Variants in KCNH8 observed in about 807,000 individuals in gnomAD.
KCNH8 encodes potassium voltage-gated channel subfamily H member 8.
KCNH8 carries 70 observed loss-of-function variants against 103.6 expected under a neutral mutation model. The ratio of observed to expected loss-of-function variants is 0.68; its 90% CI spans 0.56 to 0.82. The LOEUF (loss-of-function observed/expected upper bound fraction) is 0.82. Among genes scored for constraint, KCNH8 ranks in the 40% least tolerant of loss-of-function variants. The pLI, the probability that KCNH8 is intolerant of heterozygous loss-of-function variation, is 0.00. For synonymous variants in KCNH8, 498 were observed against 489.4 expected (o/e 1.02, Z -0.23); for missense variants, 1,217 against 1,329.9 (o/e 0.92, Z 1.32).
intron 2 of KCNH8, among the ~76,000 whole-genome samples, chr3:19,278,984 G>T (rs1409508277): frequency 6.6e-6 from 1 of 152,146 alleles, no homozygotes; most frequent in Non-Finnish European, 1.5e-5. Context: ...TACACAGATA[G>T]AAGATTTTCA....
Position 19,533,458 on chromosome 3 carries a change from C to CTCATGT in KCNH8, c.2684_2685insCATGTT (p.Leu895_Glu896insMetLeu). 6.2e-7 allele frequency: 1 copy of CTCATGT among 1,614,148 alleles called. No individual in the cohort carries two copies. Among genetic ancestry groups the CTCATGT allele is most frequent in the Non-Finnish European group, 8.5e-7 (1 of 1,180,022 alleles). On this transcript the variant is annotated inframe_insertion, in exon 16 of 16. Coordinates refer to ENST00000328405, the MANE Select transcript of KCNH8 (RefSeq NM_144633.3). ...AGACATGAGAAATGTGATCCAGCTT[C>CTCATGT]TGGAAAACGTTCTGTCACCTCAGCA... is the stretch of plus-strand genomic sequence containing the variant.
At chr3:19,434,480 G>A (rs2067168259) in intron 7 of KCNH8, among the ~76,000 whole-genome samples, 1 of 152,168 alleles carries the variant, frequency 6.6e-6, no homozygotes, top group African/African-American at 2.4e-5. Flanking sequence ...CCATGCTTCA[G>A]GCCCTTGCCT....
At chr3:19,440,249 A>T (rs770300941) in intron 8 of KCNH8, among the ~76,000 whole-genome samples, 1 of 152,160 alleles carries the variant, frequency 6.6e-6, no homozygotes, top group Non-Finnish European at 1.5e-5. Context: ...TTTAAGCAAG[A>T]AGAAGAGAAC....
At chr3:19,500,851 T>A (rs568707274) in intron 11 of KCNH8, among the ~76,000 whole-genome samples, 7 of 152,120 alleles carry the variant, frequency 4.6e-5, no homozygotes, top group African/African-American at 1.7e-4. Flanking sequence ...ATTGACACCC[T>A]AACATGACAA....
intron 2 of KCNH8, among the ~76,000 whole-genome samples, chr3:19,279,792 C>A (rs2064732731): frequency 6.6e-6 from 1 of 151,980 alleles, no homozygotes; most frequent in African/African-American, 2.4e-5. Context: ...TGTTTAACTG[C>A]AGAAAAAAAT....
chr3:19,257,919 G>A (rs759868871), intron 2 of KCNH8, among the ~76,000 whole-genome samples: 47 of 152,106 alleles, frequency 3.1e-4, no homozygotes, highest in African/African-American at 1.1e-3. Flanking sequence ...CTTTGCTGCT[G>A]GTGGTTTGCT....
At chr3:19,328,643 G>A (rs1428256869) in intron 3 of KCNH8, among the ~76,000 whole-genome samples, 1 of 152,048 alleles carries the variant, frequency 6.6e-6, no homozygotes, top group Non-Finnish European at 1.5e-5. Flanking sequence ...TAAATAGAAA[G>A]TAATAGCAAT....
chr3:19,487,482 C>T (rs931717936), intron 11 of KCNH8, among the ~76,000 whole-genome samples: 6 of 152,186 alleles, frequency 3.9e-5, no homozygotes, highest in East Asian at 1.9e-4. Context: ...TGCTTTTAAG[C>T]GCCTGAGATG....
rs554394944 is a variant in KCNH8 at position 19,198,239 on chromosome 3, T to C, written c.76+49444T>C. 3.3e-5 allele frequency among the ~76,000 whole-genome samples: 5 copies of C among 152,254 alleles called. No homozygotes were observed. In the East Asian group the frequency reaches 9.6e-4, roughly 29 times the overall value. ...TGAATAAAGAGGGGCAGTCCATTGCTGAACTTTATGTATAGGGACAGGATG... is the reference window on the plus strand; with the variant it reads ...TGAATAAAGAGGGGCAGTCCATTGCCGAACTTTATGTATAGGGACAGGATG... On this transcript the variant is annotated intron_variant, in intron 1 of 15. Coordinates refer to ENST00000328405, the MANE Select transcript of KCNH8 (RefSeq NM_144633.3).
intron 11 of KCNH8, among the ~76,000 whole-genome samples, chr3:19,509,023 A>C (rs2068741439): frequency 6.6e-6 from 1 of 152,238 alleles, no homozygotes; most frequent in Admixed American, 6.5e-5. Context: ...TTTTACAAAC[A>C]TGTTTTCATG....
At chr3:19,446,550 C>T (rs1438793104) in intron 8 of KCNH8, among the ~76,000 whole-genome samples, 1 of 151,900 alleles carries the variant, frequency 6.6e-6, no homozygotes, top group Non-Finnish European at 1.5e-5. Context: ...CTGCCATCCA[C>T]AAGCCAGTGT....
chr3:19,216,286 C>T (rs140684817), intron 1 of KCNH8, among the ~76,000 whole-genome samples: 1 of 152,338 alleles, frequency 6.6e-6, no homozygotes, highest in African/African-American at 2.4e-5. Flanking sequence ...CTAGCAGAGG[C>T]AGGCTGGCCT....
intron 1 of KCNH8, among the ~76,000 whole-genome samples, chr3:19,207,473 A>G (rs377102093): frequency 1.3e-5 from 2 of 152,110 alleles, no homozygotes; most frequent in South Asian, 4.1e-4. Context: ...AAGAAAATAA[A>G]GTGGATCTGT....
chr3:19,245,574 A>G (rs1445441936), intron 1 of KCNH8, among the ~76,000 whole-genome samples: 1 of 152,114 alleles, frequency 6.6e-6, no homozygotes, highest in Admixed American at 6.6e-5. Context: ...TGATTTTTCA[A>G]TCCATGAGCA....
intron 4 of KCNH8, among the ~76,000 whole-genome samples, chr3:19,344,900 T>A (rs894184922): frequency 1.8e-4 from 27 of 152,230 alleles, no homozygotes; most frequent in African/African-American, 6.0e-4. Context: ...AAAACACAAC[T>A]TATTAGAAGC....
chr3:19,456,302 G>A (rs2067531239), intron 10 of KCNH8, among the ~76,000 whole-genome samples: 1 of 151,942 alleles, frequency 6.6e-6, no homozygotes, highest in Admixed American at 6.6e-5. Flanking sequence ...AATTTGACAT[G>A]TTTTCTTTTA....
At chr3:19,235,472 A>G (rs904662318) in intron 1 of KCNH8, among the ~76,000 whole-genome samples, 1 of 152,202 alleles carries the variant, frequency 6.6e-6, no homozygotes, top group Non-Finnish European at 1.5e-5. Flanking sequence ...AGGGACTAAA[A>G]TTGAGGAAGC....
chr3:19,346,213 A>G (rs1359737580), intron 4 of KCNH8, among the ~76,000 whole-genome samples: 2 of 152,090 alleles, frequency 1.3e-5, no homozygotes, highest in Admixed American at 6.6e-5. Context: ...TAATGGTTAT[A>G]GACCTTAATT....
intron 1 of KCNH8, among the ~76,000 whole-genome samples, chr3:19,176,423 G>A (rs138124443): frequency 2.0e-5 from 3 of 152,112 alleles, no homozygotes; most frequent in Admixed American, 1.3e-4. Flanking sequence ...GAACATTACC[G>A]AGACAGAAAG....
Sources: allele counts gnomAD v4.1 joint callset (sites outside exome capture counted in the v4.1 genomes callset), GRCh38; gene constraint gnomAD v4.1.1; transcripts MANE v1.5; gene names NCBI Gene and HGNC (gene_info 2026-07-23, HGNC 2026-07-21).